Variants in DERA observed in about 807,000 individuals in gnomAD.
DERA encodes deoxyribose-phosphate aldolase.
DERA carries 15 observed loss-of-function variants against 41.1 expected under a neutral mutation model. The observed-to-expected ratio is 0.37, with a 90% CI of 0.24 to 0.56. The LOEUF (loss-of-function observed/expected upper bound fraction) is 0.56, where lower values mean the gene tolerates loss of function less well. Among genes scored for constraint, DERA ranks in the 20% least tolerant of loss-of-function variants. DERA has a pLI of 0.81. For missense variants in DERA, 396 were observed against 403.4 expected (o/e 0.98, Z 0.16); for synonymous variants, 139 against 137.4 (o/e 1.01, Z -0.08).
At chr12:15,933,939 G>A (rs73057134) in intron 1 of DERA, among the ~76,000 whole-genome samples, 5,911 of 152,160 alleles carry the variant, frequency 0.039, 178 homozygotes, top group East Asian at 0.12. Context: ...GTCAGGCCAC[G>A]TAAGCTGGTT....
intron 6 of DERA, among the ~76,000 whole-genome samples, chr12:16,032,267 A>G (rs1351902024): frequency 6.6e-6 from 1 of 152,202 alleles, no homozygotes; most frequent in Non-Finnish European, 1.5e-5. Context: ...AAATGAACCA[A>G]CTTGATTTTA....
intron 4 of DERA, among the ~76,000 whole-genome samples, chr12:15,960,588 G>A (rs990308446): frequency 7.6e-5 from 9 of 118,304 alleles, no homozygotes; most frequent in Admixed American, 4.9e-4. Context: ...AGTGAGCTGA[G>A]ATCATGCCCC....
At chr12:15,973,382 G>T (rs1050687956) in intron 5 of DERA, among the ~76,000 whole-genome samples, 1 of 121,410 alleles carries the variant, frequency 8.2e-6, no homozygotes, top group Non-Finnish European at 1.8e-5. Context: ...TGACTAATTT[G>T]CAGTCGTGGT....
At chr12:15,977,308 T>C (rs1948704023) in intron 5 of DERA, among the ~76,000 whole-genome samples, 1 of 152,070 alleles carries the variant, frequency 6.6e-6, no homozygotes, top group Admixed American at 6.6e-5. Flanking sequence ...CGTGCATGCA[T>C]GTGTGTGTGT....
intron 1 of DERA, among the ~76,000 whole-genome samples, chr12:15,912,766 C>T (rs766662408): frequency 2.0e-5 from 3 of 152,268 alleles, no homozygotes; most frequent in Admixed American, 6.5e-5. Flanking sequence ...TTTTCGCCCT[C>T]CTTAAAAGTG....
intron 6 of DERA, among the ~76,000 whole-genome samples, chr12:16,023,540 G>C (rs4439567): frequency 0.077 from 11,284 of 146,746 alleles, 1,352 homozygotes; most frequent in African/African-American, 0.25. Flanking sequence ...TGCAGTGGCG[G>C]GATCTCGGCT....
Position 15,924,087 on chromosome 12 carries a change from A to G in DERA, c.31+12673A>G, listed in dbSNP as rs973884991. Among the ~76,000 whole-genome samples, 1 of 152,232 alleles carries G rather than the reference A, an allele frequency of 6.6e-6. No individual in the cohort carries two copies. The highest frequency in any genetic ancestry group is 2.1e-4 in the South Asian group (1 of 4,836). Reference sequence around the variant, plus strand: ...AATATTTGAATGATGTTAGCCAGGTAAGAATTCTAAAGACTGAAAATAGAG... The same window carrying G: ...AATATTTGAATGATGTTAGCCAGGTGAGAATTCTAAAGACTGAAAATAGAG... On this transcript the variant is annotated intron_variant, in intron 1 of 8. Transcript: ENST00000428559. This position sits in a 1 kb window ranked among gnomAD's most constrained non-coding sequence, Gnocchi z 5.0.
At position 16,016,791 on chromosome 12, in the gene DERA, C is replaced by CAAAA. The variant is rs55996641; in HGVS notation, c.638-15727_638-15724dup. 6.0e-3 allele frequency among the ~76,000 whole-genome samples: 352 copies of CAAAA among 58,482 alleles called. 5 individuals carry two copies. Among genetic ancestry groups the CAAAA allele is most frequent in the African/African-American group, 0.012 (148 of 12,252 alleles). 38.4% of individuals were successfully genotyped at this position (58,482 alleles called of 152,430 possible). On this transcript the variant is annotated intron_variant, in intron 6 of 8. Transcript: ENST00000428559. ...TGGGCGACAGAGTGAGACCCTGTCT[C>CAAAA]AAAAAAAAAAAAAAAAAAAAAAAAA...
Position 15,998,311 on chromosome 12 carries a change from CTTTA to C in DERA, c.637+15896_637+15899del, listed in dbSNP as rs58100447. On this transcript the variant is annotated intron_variant, in intron 6 of 8. Transcript: ENST00000428559. This position sits in a 1 kb window ranked among gnomAD's most constrained non-coding sequence, Gnocchi z 4.8. Reference sequence around the variant, plus strand: ...CTAATGTTAACACAGGAAGTCTTTCCTTTATTTATTTATTTATTTATTTAGAGAC... The same window carrying C: ...CTAATGTTAACACAGGAAGTCTTTCCTTTATTTATTTATTTATTTAGAGAC... Among the ~76,000 whole-genome samples the C allele has an allele frequency of 6.6e-6, 1 of 151,538 alleles. No homozygotes were observed. Among genetic ancestry groups the C allele is most frequent in the African/African-American group, 2.4e-5 (1 of 41,166 alleles).
intron 1 of DERA, chr12:15,956,649 A>G: frequency 2.2e-6 from 1 of 460,774 alleles, no homozygotes; most frequent in South Asian, 1.7e-5. Context: ...TGTCTGTGTG[A>G]TGAATCAATA....
chr12:15,965,290 AC>A lies in DERA; in HGVS notation c.508+2347del, dbSNP rs1948614537. ...TATTTGGTAAAGCACAATAGAAAGA[AC>A]CCCATTTTATTTTTTAAGTTCTGGG... On this transcript the variant is annotated intron_variant, in intron 5 of 8. Transcript: ENST00000428559. The surrounding 1 kb of genome is among the most constrained non-coding windows in gnomAD (Gnocchi z 4.1). Among the ~76,000 whole-genome samples, 2 of 152,054 alleles carry A rather than the reference AC, an allele frequency of 1.3e-5. No homozygotes were observed. Among genetic ancestry groups the A allele is most frequent in the African/African-American group, 2.4e-5 (1 of 41,384 alleles).
Position 16,012,589 on chromosome 12 carries a change from T to C in DERA, c.638-19953T>C, listed in dbSNP as rs1357301505. ...GCCGAGTTGTTTAGACAAGAGAGAATAGTCAAGTGCTGTCACAGGGGATCT... is the reference window on the plus strand; with the variant it reads ...GCCGAGTTGTTTAGACAAGAGAGAACAGTCAAGTGCTGTCACAGGGGATCT... On this transcript the variant is annotated intron_variant, in intron 6 of 8. Coordinates refer to ENST00000428559, the MANE Select transcript of DERA (RefSeq NM_015954.4). The surrounding 1 kb of genome is among the most constrained non-coding windows in gnomAD (Gnocchi z 4.1). Among the ~76,000 whole-genome samples the C allele has an allele frequency of 6.6e-6, 1 of 152,194 alleles. No homozygotes were observed. Among genetic ancestry groups the C allele is most frequent in the Non-Finnish European group, 1.5e-5 (1 of 68,030 alleles).
chr12:15,917,899 T>G (rs537481282), intron 1 of DERA, among the ~76,000 whole-genome samples: 6 of 152,324 alleles, frequency 3.9e-5, no homozygotes, highest in African/African-American at 1.4e-4. Context: ...ATGCTCATTG[T>G]GATGGGTGAC....
At chr12:15,991,235 T>C (rs1439802879) in intron 6 of DERA, among the ~76,000 whole-genome samples, 1 of 152,234 alleles carries the variant, frequency 6.6e-6, no homozygotes, top group South Asian at 2.1e-4. Flanking sequence ...CTCATGATTG[T>C]TGGCCACATG....
intron 1 of DERA, among the ~76,000 whole-genome samples, chr12:15,949,945 A>G (rs1026279577): frequency 2.0e-5 from 3 of 152,082 alleles, no homozygotes; most frequent in African/African-American, 7.2e-5. Flanking sequence ...ATATGTTACT[A>G]TATGATCTGG....
rs3782541 is a variant in DERA at position 15,978,370 on chromosome 12, C to T, written c.509-3938C>T. Among the ~76,000 whole-genome samples, 851 of 152,036 alleles carry T rather than the reference C, an allele frequency of 5.6e-3. 29 individuals are homozygous for T. The East Asian group carries it at 0.11, about 19-fold the overall frequency. ...AGGACAGTGCTTGCTATTTTTTGTTCGTTAAAGTTATTTTTGGGTTTCTGG... is the reference window on the plus strand; with the variant it reads ...AGGACAGTGCTTGCTATTTTTTGTTTGTTAAAGTTATTTTTGGGTTTCTGG... On this transcript the variant is annotated intron_variant, in intron 5 of 8. Coordinates refer to ENST00000428559, the MANE Select transcript of DERA (RefSeq NM_015954.4).
At chr12:16,028,769 T>C (rs1333100299) in intron 6 of DERA, among the ~76,000 whole-genome samples, 1 of 152,166 alleles carries the variant, frequency 6.6e-6, no homozygotes, top group Non-Finnish European at 1.5e-5. Context: ...AGAAAAACAT[T>C]TAACAAATCC....
intron 6 of DERA, among the ~76,000 whole-genome samples, 186 bp from the exon 7 acceptor site, chr12:16,032,356 A>AG (rs1251866217): frequency 6.6e-6 from 1 of 152,176 alleles, no homozygotes; most frequent in Non-Finnish European, 1.5e-5. Flanking sequence ...AGTGATGGTA[A>AG]GGGGGAAAAA....
chr12:15,969,683 A>T (rs1323344739), intron 5 of DERA, among the ~76,000 whole-genome samples: 1 of 152,212 alleles, frequency 6.6e-6, no homozygotes, highest in Non-Finnish European at 1.5e-5. Flanking sequence ...TCATTTTCTT[A>T]CATGAAGAGA....
Sources: gnomAD v4.1 joint callset for allele counts (sites outside exome capture counted in the v4.1 genomes callset) on GRCh38, gnomAD v4.1.1 for gene constraint, Gnocchi (gnomAD v3.1) non-coding constraint, MANE v1.5 for transcripts, NCBI Gene and HGNC (gene_info 2026-07-23, HGNC 2026-07-21) for gene names.